Variants in PPP4R3A observed in about 807,000 individuals in gnomAD.
PPP4R3A encodes serine/threonine-protein phosphatase 4 regulatory subunit 3A.
In PPP4R3A, 15 loss-of-function variants were observed where a neutral mutation model predicts 91.7. The ratio of observed to expected loss-of-function variants is 0.16; its 90% CI spans 0.11 to 0.25. PPP4R3A has a LOEUF of 0.25. Among genes scored for constraint, PPP4R3A ranks in the 10% least tolerant of loss-of-function variants. The pLI is 1.00. For missense variants in PPP4R3A, 623 were observed against 998.4 expected (o/e 0.62, Z 5.07); for synonymous variants, 377 against 348.7 (o/e 1.08, Z -0.91).
chr14:91,477,050 G>C (rs1490785519), intron 4 of PPP4R3A, 64 bp from the exon 5 acceptor site: 2 of 1,310,934 alleles, frequency 1.5e-6, no homozygotes, highest in Admixed American at 2.1e-5. Context: ...ATAATTTCAG[G>C]AATGCTTTAA....
In PPP4R3A at chr14:91,457,936, C is replaced by CTA. The variant is rs1887866098; in HGVS notation, c.*821_*822dup. On this transcript the variant is annotated 3_prime_UTR_variant, in exon 15 of 15. Coordinates refer to ENST00000554943, the MANE Select transcript of PPP4R3A (RefSeq NM_001366432.2). Reference sequence around the variant, plus strand: ...AAACTATACCATCTTTCATAAAACTCTAAACAAATTAAGAACTGTGATGTA... The same window carrying CTA: ...AAACTATACCATCTTTCATAAAACTCTATAAACAAATTAAGAACTGTGATGTA... 2.0e-5 allele frequency: 3 copies of CTA among 152,466 alleles called. No individual in the cohort carries two copies. The allele number at this position is 152,466 out of a possible 1,614,324, so 9.4% of individuals were successfully genotyped here.
chr14:91,467,408 T>C (rs1268959655), intron 10 of PPP4R3A, among the ~76,000 whole-genome samples: 1 of 152,222 alleles, frequency 6.6e-6, no homozygotes, highest in Non-Finnish European at 1.5e-5. Flanking sequence ...TCATTAACAT[T>C]TCCAGGAACC....
rs1288171015 is a variant in PPP4R3A, at chr14:91,458,675, T to C, written c.*84A>G. The C allele has an allele frequency of 6.3e-7, 1 of 1,594,232 alleles. No homozygotes were observed. The highest frequency in any genetic ancestry group is 8.6e-7 in the Non-Finnish European group (1 of 1,162,524). ...GTGTCAGTCATTCACAAGAGACCAC[T>C]GCGCTTTGTTGTGGATTTTGTATGG... is the stretch of plus-strand genomic sequence containing the variant. On this transcript the variant is annotated 3_prime_UTR_variant, in exon 15 of 15. Coordinates refer to ENST00000554943, the MANE Select transcript of PPP4R3A (RefSeq NM_001366432.2).
In PPP4R3A at chr14:91,458,561, A is replaced by G. The variant is rs1887910719; in HGVS notation, c.*198T>C. The G allele has an allele frequency of 1.3e-6, 1 of 769,268 alleles. No homozygotes were observed. The highest frequency in any genetic ancestry group is 2.7e-5 in the East Asian group (1 of 37,160). 47.7% of individuals were successfully genotyped at this position (769,268 alleles called of 1,614,324 possible). ...CCAAGCTGGAGAGCTCAAAGGCTTA[A>G]GTCTTTCCCCTAAATATATGATATC... On this transcript the variant is annotated 3_prime_UTR_variant, in exon 15 of 15. Coordinates refer to ENST00000554943, the MANE Select transcript of PPP4R3A (RefSeq NM_001366432.2).
At chr14:91,462,550 A>C (rs536526536) in intron 12 of PPP4R3A, among the ~76,000 whole-genome samples, 185 bp downstream of exon 12, 1 of 142,338 alleles carries the variant, frequency 7.0e-6, no homozygotes, top group East Asian at 2.0e-4. Flanking sequence ...CTGAGGTATT[A>C]TACTAATAAC....
chr14:91,476,364 G>A, intron 6 of PPP4R3A, 44 bp downstream of exon 6: 1 of 1,275,374 alleles, frequency 7.8e-7, no homozygotes, highest in Non-Finnish European at 1.1e-6. Flanking sequence ...ATTAATTTTG[G>A]GATTAAAAAA....
intron 1 of PPP4R3A, among the ~76,000 whole-genome samples, chr14:91,497,260 T>C (rs908630507): frequency 2.0e-5 from 3 of 151,454 alleles, no homozygotes; most frequent in Non-Finnish European, 4.4e-5. Flanking sequence ...ACAGACCCCA[T>C]TCACCCCAAC....
Position 91,458,834 on chromosome 14 carries a change from A to G in PPP4R3A, c.2427T>C (p.Asp809=). 6.2e-7 allele frequency: 1 copy of G among 1,613,764 alleles called. No individual in the cohort carries two copies. The highest frequency in any genetic ancestry group is 8.5e-7 in the Non-Finnish European group (1 of 1,179,848). The part of the protein sequence containing the change: ...GLVGLVDYPD[D]DEDDDEDEDK... ...CTTCATCCTCATCATCATCTTCATC[A>G]TCATCAGGATAATCTACCAGACCCA... is the stretch of plus-strand genomic sequence containing the variant. Residue 809 remains aspartate, a synonymous_variant, in exon 15 of 15, where the codon GAT becomes GAC. Transcript: ENST00000554943.
chr14:91,460,637 C>CTTTTTTTTTTTTTTT (rs573677740), intron 14 of PPP4R3A, among the ~76,000 whole-genome samples: 1 of 111,282 alleles, frequency 9.0e-6, no homozygotes, highest in African/African-American at 3.5e-5. Flanking sequence ...GATTTTGTTC[C>CTTTTTTTTTTTTTTT]TTTTTTTTTT....
At chr14:91,461,697 C>T (rs1888172619) in intron 13 of PPP4R3A, 90 bp from the exon 14 acceptor site, 2 of 1,255,436 alleles carry the variant, frequency 1.6e-6, no homozygotes, top group African/African-American at 3.0e-5. Context: ...ATTTAACTAG[C>T]TTACTACGCT....
rs529127864 is a variant in PPP4R3A, at chr14:91,490,669, C to G, written c.198+78G>C. 3.4e-6 allele frequency: 4 copies of G among 1,168,366 alleles called. No homozygotes were observed. The East Asian group carries it at 1.0e-4, about 30-fold the overall frequency. The allele number at this position is 1,168,366 out of a possible 1,614,324, so 72.4% of individuals were successfully genotyped here. On this transcript the variant is annotated intron_variant, in intron 2 of 14. Transcript: ENST00000554943. ...GTTGTAATCTCTTCTAAATTTTTCA[C>G]TATAAGCAATCAGATAATAAACTTT...
At chr14:91,477,029 T>C in intron 4 of PPP4R3A, 43 bp from the exon 5 acceptor site, 1 of 1,449,766 alleles carries the variant, frequency 6.9e-7, no homozygotes. Context: ...ATGCTAAGAT[T>C]GTCCTAAAAT....
chr14:91,485,285 A>G (rs144526414), intron 3 of PPP4R3A, among the ~76,000 whole-genome samples: 6 of 152,376 alleles, frequency 3.9e-5, no homozygotes, highest in African/African-American at 9.6e-5. Context: ...AACAAGATCC[A>G]CAAGTTTCTG....
At chr14:91,467,350 G>A (rs575486942) in intron 10 of PPP4R3A, among the ~76,000 whole-genome samples, 5 of 152,224 alleles carry the variant, frequency 3.3e-5, no homozygotes, top group Non-Finnish European at 5.9e-5. Context: ...CACTGCCATT[G>A]GATTTTCAAT....
intron 5 of PPP4R3A, 63 bp from the exon 6 acceptor site, chr14:91,476,587 C>G (rs528924472): frequency 1.6e-6 from 2 of 1,223,096 alleles, no homozygotes; most frequent in African/African-American, 3.1e-5. Context: ...TTTATTGAGA[C>G]GGAGTCTTGC....
intron 9 of PPP4R3A, among the ~76,000 whole-genome samples, chr14:91,472,691 G>C (rs890919631): frequency 1.3e-5 from 2 of 151,944 alleles, no homozygotes; most frequent in Non-Finnish European, 2.9e-5. Context: ...GGATGGTCTC[G>C]ATCTCCTGAC....
chr14:91,486,138 C>T (rs1056844134), intron 2 of PPP4R3A, among the ~76,000 whole-genome samples: 2 of 152,120 alleles, frequency 1.3e-5, no homozygotes, highest in African/African-American at 4.8e-5. Context: ...TTCTCTCTTC[C>T]CTCTATTGTC....
chr14:91,486,868 C>T (rs1400172604), intron 2 of PPP4R3A, among the ~76,000 whole-genome samples: 2 of 143,460 alleles, frequency 1.4e-5, no homozygotes, highest in Middle Eastern at 3.9e-3. Flanking sequence ...TGCCCCACTG[C>T]ACTCCAGCCT....
At chr14:91,471,919 G>A (rs747462713) in intron 9 of PPP4R3A, among the ~76,000 whole-genome samples, 3 of 151,808 alleles carry the variant, frequency 2.0e-5, no homozygotes, top group Non-Finnish European at 2.9e-5. Flanking sequence ...ATAAAAATTA[G>A]CCAGGCATGG....
Sources: allele counts gnomAD v4.1 joint callset (sites outside exome capture counted in the v4.1 genomes callset), GRCh38; gene constraint gnomAD v4.1.1; transcripts MANE v1.5; gene names NCBI Gene and HGNC (gene_info 2026-07-23, HGNC 2026-07-21).